The following NAV3 variants were observed in gnomAD, a reference collection of about 807,000 sequenced individuals.
NAV3 encodes the protein neuron navigator 3.
In NAV3, 87 loss-of-function variants were observed where a neutral mutation model predicts 244.7. The observed-to-expected ratio is 0.36, with a 90% CI of 0.30 to 0.42. NAV3 has a LOEUF of 0.42. NAV3 is among the 20% of genes least tolerant of loss of function. NAV3 has a pLI of 1.00. For synonymous variants in NAV3, 1,126 were observed against 1,042.2 expected, an observed-to-expected ratio of 1.08 and a Z score of -1.55; for missense variants, 2,663 against 2,893.3, an observed-to-expected ratio of 0.92 and a Z score of 1.83.
At position 78,143,914 on chromosome 12, in the gene NAV3, G is replaced by A. The variant is rs74107115; in HGVS notation, c.4684-2455G>A. 6.8e-3 allele frequency among the ~76,000 whole-genome samples: 1,038 copies of A among 152,152 alleles called. 12 individuals are homozygous for A. Among genetic ancestry groups the A allele is most frequent in the African/African-American group, 0.023 (964 of 41,510 alleles). Reference sequence around the variant, plus strand: ...CTTCCTGACACTGAAGCTAAATTTGGGTGGCTAGTTTTCATTGTGCTGTTG... The same window carrying A: ...CTTCCTGACACTGAAGCTAAATTTGAGTGGCTAGTTTTCATTGTGCTGTTG... On this transcript the variant is annotated intron_variant, in intron 20 of 39. Transcript: ENST00000397909.
chr12:77,654,988 A>AT (rs1176104158), intron 2 of NAV3, among the ~76,000 whole-genome samples: 2 of 151,896 alleles, frequency 1.3e-5, no homozygotes, highest in Admixed American at 6.6e-5. Flanking sequence ...CCAAAAGTAG[A>AT]TAAAACCACA....
chr12:78,133,201 G>T (rs991068048), intron 18 of NAV3, among the ~76,000 whole-genome samples: 1 of 152,016 alleles, frequency 6.6e-6, no homozygotes, highest in African/African-American at 2.4e-5. Flanking sequence ...TTAGAAACAC[G>T]TATGGCTTCA....
intron 2 of NAV3, among the ~76,000 whole-genome samples, chr12:77,624,709 G>A (rs1303840292): frequency 6.6e-6 from 1 of 152,102 alleles, no homozygotes; most frequent in Non-Finnish European, 1.5e-5. Flanking sequence ...TCAATTTATG[G>A]GATGTTCATT....
At chr12:77,906,264 A>G (rs1885961795) in intron 1 of NAV3, among the ~76,000 whole-genome samples, 1 of 152,120 alleles carries the variant, frequency 6.6e-6, no homozygotes, top group East Asian at 1.9e-4. Context: ...GCAGAGAGAC[A>G]GAGAGACAAA....
At chr12:77,860,182 T>A (rs960157340) in intron 1 of NAV3, among the ~76,000 whole-genome samples, 2 of 151,740 alleles carry the variant, frequency 1.3e-5, no homozygotes, top group Admixed American at 1.3e-4. Context: ...TATGCATAAA[T>A]CATCTTTGGT....
chr12:78,014,363 C>T (rs192591036), intron 8 of NAV3, among the ~76,000 whole-genome samples: 16 of 152,192 alleles, frequency 1.1e-4, no homozygotes, highest in African/African-American at 3.9e-4. Context: ...AAATACCTAA[C>T]CCTTAGATAA....
At chr12:78,010,291 C>A (rs1224160864) in intron 8 of NAV3, among the ~76,000 whole-genome samples, 1 of 151,940 alleles carries the variant, frequency 6.6e-6, no homozygotes, top group Non-Finnish European at 1.5e-5. Context: ...CTGTTCTATC[C>A]CCATGTAAGA....
chr12:78,151,150 T>C (rs1019785206), intron 22 of NAV3, among the ~76,000 whole-genome samples: 1 of 152,020 alleles, frequency 6.6e-6, no homozygotes, highest in Non-Finnish European at 1.5e-5. Context: ...ATTTAAAAAG[T>C]GCTAGTCTTG....
intron 2 of NAV3, among the ~76,000 whole-genome samples, chr12:77,660,312 C>G (rs1873376198): frequency 6.6e-6 from 1 of 152,048 alleles, no homozygotes; most frequent in Non-Finnish European, 1.5e-5. Context: ...TTCCTATTTT[C>G]CCATTTTGAA....
chr12:77,580,050 A>T (rs1869277922), intron 2 of NAV3, among the ~76,000 whole-genome samples: 1 of 152,094 alleles, frequency 6.6e-6, no homozygotes, highest in South Asian at 2.1e-4. Flanking sequence ...TCACTGACTT[A>T]CTATGGGGCC....
intron 2 of NAV3, among the ~76,000 whole-genome samples, chr12:77,672,166 A>G (rs2137078803): frequency 6.6e-6 from 1 of 152,266 alleles, no homozygotes; most frequent in South Asian, 2.1e-4. Context: ...GCTCAACATC[A>G]CTAACGATCA....
intron 17 of NAV3, among the ~76,000 whole-genome samples, chr12:78,127,959 C>T (rs921642035): frequency 1.3e-5 from 2 of 152,050 alleles, no homozygotes; most frequent in Admixed American, 6.6e-5. Context: ...ATAGAATGAT[C>T]TACTAATAGA....
chr12:77,992,635 G>T (rs1251136274), intron 5 of NAV3, among the ~76,000 whole-genome samples: 1 of 152,144 alleles, frequency 6.6e-6, no homozygotes, highest in Non-Finnish European at 1.5e-5. Context: ...GTTAATTTAA[G>T]GAGTAGAATA....
At chr12:77,975,454 A>T (rs79041323) in intron 5 of NAV3, among the ~76,000 whole-genome samples, 4,320 of 152,340 alleles carry the variant, frequency 0.028, 72 homozygotes, top group African/African-American at 0.039. Flanking sequence ...GAGAAAAATA[A>T]ATCAGAAAAA....
chr12:77,929,930 T>C (rs1481693959), intron 1 of NAV3, among the ~76,000 whole-genome samples: 7 of 151,548 alleles, frequency 4.6e-5, no homozygotes, highest in Non-Finnish European at 1.0e-4. Flanking sequence ...ATTACAGGCA[T>C]GAGCCACCAT....
Position 78,188,787 on chromosome 12 carries a change from A to T in NAV3, c.6055+10A>T. The T allele has an allele frequency of 6.2e-7, 1 of 1,606,990 alleles. No individual in the cohort carries two copies. Among genetic ancestry groups the T allele is most frequent in the South Asian group, 1.1e-5 (1 of 90,476 alleles). On this transcript the variant is annotated intron_variant, in intron 33 of 39. Transcript: ENST00000397909. ...ACTGTGAACCTCAAAGGTAAAAGCA[A>T]TAATGAAAAGCAAGGCAGAAATATA...
intron 12 of NAV3, among the ~76,000 whole-genome samples, chr12:78,069,237 T>A (rs1476545941): frequency 6.6e-6 from 1 of 152,024 alleles, no homozygotes; most frequent in Non-Finnish European, 1.5e-5. Context: ...AGCTCCCATA[T>A]GTTTTTTTAG....
intron 9 of NAV3, among the ~76,000 whole-genome samples, chr12:78,031,342 G>A (rs1342314972): frequency 2.0e-5 from 3 of 151,970 alleles, no homozygotes; most frequent in African/African-American, 7.3e-5. Flanking sequence ...GATTTTCTTT[G>A]GGGAGAATTC....
chr12:78,140,194 C>T (rs376185119), intron 19 of NAV3, 88 bp from the exon 20 acceptor site: 15 of 1,059,954 alleles, frequency 1.4e-5, no homozygotes, highest in Middle Eastern at 2.1e-4. Flanking sequence ...ATTTCCCTAA[C>T]CACCCGTTCT....
Sources: gnomAD v4.1 joint callset for allele counts (sites outside exome capture counted in the v4.1 genomes callset) on GRCh38, gnomAD v4.1.1 for gene constraint, MANE v1.5 for transcripts, NCBI Gene and HGNC (gene_info 2026-07-23, HGNC 2026-07-21) for gene names.